Variants in CEP112 observed in about 807,000 individuals in gnomAD.
CEP112 encodes centrosomal protein of 112 kDa.
CEP112 carries 127 observed loss-of-function variants against 153.0 expected under a neutral mutation model. The observed-to-expected ratio is 0.83, with a 90% CI of 0.72 to 0.96. The LOEUF (loss-of-function observed/expected upper bound fraction) is 0.96. Among genes scored for constraint, CEP112 ranks in the 40% least tolerant of loss-of-function variants. The pLI, the probability that CEP112 is intolerant of heterozygous loss-of-function variation, is 0.00. For synonymous variants in CEP112, 358 were observed against 374.4 expected, an observed-to-expected ratio of 0.96 and a Z score of 0.51; for missense variants, 1,089 against 1,101.2, an observed-to-expected ratio of 0.99 and a Z score of 0.16.
chr17:65,912,271 A>G (rs867563520), intron 19 of CEP112, among the ~76,000 whole-genome samples: 3 of 152,248 alleles, frequency 2.0e-5, no homozygotes, highest in Middle Eastern at 3.4e-3. Context: ...TAGCCTTACT[A>G]TCCAGTAGAG....
intron 21 of CEP112, among the ~76,000 whole-genome samples, chr17:65,826,858 A>G (rs1294631579): frequency 1.3e-5 from 2 of 152,204 alleles, no homozygotes; most frequent in Admixed American, 1.3e-4. Context: ...TGAAGGATGC[A>G]AAGTATTGTC....
At chr17:65,933,750 A>G (rs1305513746) in intron 18 of CEP112, among the ~76,000 whole-genome samples, 5 of 152,248 alleles carry the variant, frequency 3.3e-5, no homozygotes, top group African/African-American at 1.2e-4. Context: ...CATAAAACAT[A>G]TGAAAGTAAA....
At chr17:66,015,300 A>G (rs1274981015) in intron 16 of CEP112, among the ~76,000 whole-genome samples, 3 of 152,010 alleles carry the variant, frequency 2.0e-5, no homozygotes, top group Non-Finnish European at 2.9e-5. Context: ...TGACATTTCC[A>G]TTGTTTATAT....
At chr17:65,998,380 C>T (rs1340879652) in intron 17 of CEP112, among the ~76,000 whole-genome samples, 1 of 11,400 alleles carries the variant, frequency 8.8e-5, no homozygotes, top group Non-Finnish European at 1.6e-4. Context: ...AAGGCCTCGT[C>T]TCAAAAAAAA....
chr17:65,787,172 A>G (rs1598583698), intron 21 of CEP112, among the ~76,000 whole-genome samples: 1 of 152,200 alleles, frequency 6.6e-6, no homozygotes, highest in Non-Finnish European at 1.5e-5. Context: ...CTTTTTCAGA[A>G]TAATTTTGGC....
chr17:66,029,932 T>C lies in CEP112; in HGVS notation c.1310A>G (p.Glu437Gly). Residue 437 changes from glutamate (E) to glycine (G), a missense_variant, in exon 13 of 27, where the codon GAA becomes GGA. Physicochemically the swap from Glu to Gly is moderately conservative, Grantham distance 98. Transcript: ENST00000535342. ...GTAACATCTTTCAAGTTCTGCTTTTTCTTGAATTAATTTCTGCCTCTGTAA... is the reference window on the plus strand; with the variant it reads ...GTAACATCTTTCAAGTTCTGCTTTTCCTTGAATTAATTTCTGCCTCTGTAA... ...SNLQRQKLIQ[E>G]KAELERCYQI... 1 of 1,613,848 alleles carries C rather than the reference T, an allele frequency of 6.2e-7. No homozygotes were observed. Among genetic ancestry groups the C allele is most frequent in the Non-Finnish European group, 8.5e-7 (1 of 1,179,786 alleles).
intron 17 of CEP112, among the ~76,000 whole-genome samples, chr17:65,981,941 A>G (rs772482134): frequency 3.3e-5 from 5 of 152,230 alleles, no homozygotes; most frequent in Admixed American, 6.5e-5. Context: ...GAGCTGCTAC[A>G]GGAAAAGATG....
intron 17 of CEP112, among the ~76,000 whole-genome samples, chr17:66,005,462 T>C (rs2064233379): frequency 6.6e-6 from 1 of 151,904 alleles, no homozygotes; most frequent in African/African-American, 2.4e-5. Flanking sequence ...TAAGTTCTAT[T>C]TTTTTACATT....
intron 4 of CEP112, among the ~76,000 whole-genome samples, chr17:66,161,897 T>A (rs77087173): frequency 6.7e-6 from 1 of 149,910 alleles, no homozygotes. Context: ...CATTACACTG[T>A]AAAAAAAAAA....
At chr17:66,096,436 C>G in intron 7 of CEP112, 108 bp from the exon 8 acceptor site, 1 of 1,183,258 alleles carries the variant, frequency 8.5e-7, no homozygotes, top group East Asian at 2.4e-5. Flanking sequence ...AGTACTAACA[C>G]TGCAGGAAAA....
At chr17:65,970,267 A>C (rs1356055101) in intron 17 of CEP112, among the ~76,000 whole-genome samples, 1 of 152,040 alleles carries the variant, frequency 6.6e-6, no homozygotes, top group Non-Finnish European at 1.5e-5. Context: ...CACACATATT[A>C]CATGCATGTA....
chr17:66,159,118 T>G (rs1226952387), intron 4 of CEP112, among the ~76,000 whole-genome samples: 1 of 152,188 alleles, frequency 6.6e-6, no homozygotes, highest in Non-Finnish European at 1.5e-5. Flanking sequence ...GATAAATTCC[T>G]GGACACATAC....
At chr17:66,043,510 C>G (rs1272970798) in intron 12 of CEP112, among the ~76,000 whole-genome samples, 2 of 152,084 alleles carry the variant, frequency 1.3e-5, no homozygotes, top group Non-Finnish European at 2.9e-5. Flanking sequence ...ACAGAATTCA[C>G]CAGATTCCCA....
At chr17:65,858,969 GT>G (rs2058213695) in intron 20 of CEP112, among the ~76,000 whole-genome samples, 1 of 152,120 alleles carries the variant, frequency 6.6e-6, no homozygotes. Flanking sequence ...TGTAAAAAGT[GT>G]CAAAAGTGTC....
rs572528557 is a variant in CEP112, at chr17:66,085,804, C to T, written c.768+10447G>A. 3.3e-5 allele frequency among the ~76,000 whole-genome samples: 5 copies of T among 152,046 alleles called. No homozygotes were observed. The South Asian group carries it at 1.0e-3, about 32-fold the overall frequency. On this transcript the variant is annotated intron_variant, in intron 8 of 26. Transcript: ENST00000535342. ...CCAGCCTGACCAACCTGGTGAAACC[C>T]CGTCTCTACTAAAGATACAAAAAAT...
intron 19 of CEP112, among the ~76,000 whole-genome samples, chr17:65,907,725 T>C: frequency 6.6e-6 from 1 of 152,194 alleles, no homozygotes; most frequent in Admixed American, 6.5e-5. Context: ...ACAAAGAATG[T>C]CATCAAGGTA....
Position 65,886,375 on chromosome 17 carries a change from T to C in CEP112, c.2163+15777A>G, listed in dbSNP as rs370111956. Among the ~76,000 whole-genome samples, 4 of 152,326 alleles carry C rather than the reference T, an allele frequency of 2.6e-5. No individual in the cohort carries two copies. In the East Asian group the frequency reaches 5.8e-4, roughly 22 times the overall value. On this transcript the variant is annotated intron_variant, in intron 20 of 26. Transcript: ENST00000535342. The stretch of plus-strand genomic sequence containing the variant: ...AGCTTTTTAATGGCTAAAAAAACCC[T>C]TGCAGACACATCCTTGTGTTTTTAA...
intron 8 of CEP112, among the ~76,000 whole-genome samples, chr17:66,073,793 T>C (rs967529074): frequency 6.6e-6 from 1 of 152,108 alleles, no homozygotes; most frequent in African/African-American, 2.4e-5. Flanking sequence ...AACTTAAAGG[T>C]GATTAACTAG....
At chr17:66,057,972 T>C (rs2066764892) in intron 11 of CEP112, among the ~76,000 whole-genome samples, 1 of 151,976 alleles carries the variant, frequency 6.6e-6, no homozygotes, top group African/African-American at 2.4e-5. Context: ...CCACACCTGT[T>C]ATTCCAGCTA....
Sources: allele counts gnomAD v4.1 joint callset (sites outside exome capture counted in the v4.1 genomes callset), GRCh38; gene constraint gnomAD v4.1.1; transcripts MANE v1.5; gene names NCBI Gene and HGNC (gene_info 2026-07-23, HGNC 2026-07-21).